MACROD2: variants seen among roughly 807,000 people sequenced by gnomAD.
MACROD2 encodes ADP-ribose glycohydrolase MACROD2.
MACROD2 carries 36 observed loss-of-function variants against 70.4 expected under a neutral mutation model. The ratio of observed to expected loss-of-function variants is 0.51; its 90% CI spans 0.39 to 0.68. The LOEUF (loss-of-function observed/expected upper bound fraction) is 0.68, where lower values mean the gene tolerates loss of function less well. Among genes scored for constraint, MACROD2 ranks in the 30% least tolerant of loss-of-function variants. MACROD2 has a pLI of 0.00. For synonymous variants in MACROD2, 172 were observed against 178.8 expected, an observed-to-expected ratio of 0.96 and a Z score of 0.30; for missense variants, 496 against 538.4, an observed-to-expected ratio of 0.92 and a Z score of 0.78.
chr20:15,434,882 G>T (rs1162360704), intron 7 of MACROD2, among the ~76,000 whole-genome samples: 4 of 152,118 alleles, frequency 2.6e-5, no homozygotes, highest in Non-Finnish European at 4.4e-5. Flanking sequence ...AATGTGGATG[G>T]AGCTGGAGGC....
At chr20:15,980,684 A>G (rs1012805074) in intron 13 of MACROD2, among the ~76,000 whole-genome samples, 2 of 152,142 alleles carry the variant, frequency 1.3e-5, no homozygotes, top group African/African-American at 4.8e-5. Context: ...TCATATTTTT[A>G]ACTATGTCTT....
At chr20:14,940,435 T>G (rs2074380519) in intron 5 of MACROD2, among the ~76,000 whole-genome samples, 1 of 152,204 alleles carries the variant, frequency 6.6e-6, no homozygotes, top group South Asian at 2.1e-4. Context: ...TCTAGTATTA[T>G]TTTGAATAAA....
chr20:15,378,148 TA>T (rs758057970), intron 6 of MACROD2, among the ~76,000 whole-genome samples: 1 of 139,082 alleles, frequency 7.2e-6, no homozygotes, highest in Non-Finnish European at 1.6e-5. Context: ...AAGAAAAAAA[TA>T]AAAGAAGAGA....
intron 6 of MACROD2, among the ~76,000 whole-genome samples, chr20:15,284,665 G>A (rs2077475724): frequency 6.6e-6 from 1 of 152,120 alleles, no homozygotes; most frequent in South Asian, 2.1e-4. Context: ...TCATTTTGCT[G>A]AGAAAATTTT....
At chr20:15,872,816 A>T (rs984549979) in intron 9 of MACROD2, among the ~76,000 whole-genome samples, 2 of 152,180 alleles carry the variant, frequency 1.3e-5, no homozygotes. Context: ...TCTGGAGATG[A>T]ATTACATTTT....
intron 5 of MACROD2, among the ~76,000 whole-genome samples, chr20:15,130,869 C>T (rs1295342917): frequency 2.6e-5 from 4 of 152,026 alleles, no homozygotes; most frequent in African/African-American, 9.7e-5. Flanking sequence ...CTCAGAGGCC[C>T]TGAGGTGAGT....
chr20:14,277,322 C>A (rs193139170), intron 3 of MACROD2, among the ~76,000 whole-genome samples: 1 of 152,272 alleles, frequency 6.6e-6, no homozygotes, highest in Admixed American at 6.5e-5. Flanking sequence ...GTGGCACGCA[C>A]CTGTAGTCCC....
chr20:14,484,413 C>T (rs1023458519), intron 3 of MACROD2, among the ~76,000 whole-genome samples: 2 of 152,098 alleles, frequency 1.3e-5, no homozygotes, highest in Non-Finnish European at 2.9e-5. Flanking sequence ...TCCATCACCT[C>T]AAACATTTAG....
chr20:15,707,055 A>G (rs1056112145), intron 8 of MACROD2, among the ~76,000 whole-genome samples: 2 of 152,180 alleles, frequency 1.3e-5, no homozygotes, highest in African/African-American at 4.8e-5. Context: ...TGGTTCTTCT[A>G]TTGCCCTAAG....
intron 7 of MACROD2, among the ~76,000 whole-genome samples, chr20:15,487,142 A>G (rs1029742182): frequency 1.3e-5 from 2 of 152,188 alleles, no homozygotes; most frequent in Non-Finnish European, 2.9e-5. Flanking sequence ...CAGATGGCCA[A>G]AGTCAACATT....
intron 8 of MACROD2, among the ~76,000 whole-genome samples, chr20:15,572,814 G>A (rs1157631929): frequency 2.0e-5 from 3 of 152,092 alleles, no homozygotes; most frequent in South Asian, 2.1e-4. Context: ...TTATCAAAGT[G>A]ACATGCAAAG....
At chr20:15,937,101 A>C (rs2065675856) in intron 11 of MACROD2, among the ~76,000 whole-genome samples, 1 of 152,230 alleles carries the variant, frequency 6.6e-6, no homozygotes, top group Non-Finnish European at 1.5e-5. Flanking sequence ...AAACATGCAC[A>C]TAAAAGCACT....
chr20:15,993,767 T>C (rs1235965898), intron 15 of MACROD2, among the ~76,000 whole-genome samples: 2 of 152,152 alleles, frequency 1.3e-5, no homozygotes, highest in Non-Finnish European at 2.9e-5. Flanking sequence ...TACAGGACAA[T>C]ACAACATATC....
chr20:14,493,377 T>A, intron 3 of MACROD2, 102 bp from the exon 4 acceptor site: 1 of 923,850 alleles, frequency 1.1e-6, no homozygotes, highest in Non-Finnish European at 1.7e-6. Context: ...TGTATGTATA[T>A]GAGACATATG....
intron 8 of MACROD2, among the ~76,000 whole-genome samples, chr20:15,846,912 TA>T (rs2064238184): frequency 1.5e-3 from 2 of 1,330 alleles, no homozygotes; most frequent in African/African-American, 5.6e-3. Context: ...AAAAAAAAAT[TA>T]TATATATATA....
At chr20:14,522,656 C>T (rs1205148067) in intron 4 of MACROD2, among the ~76,000 whole-genome samples, 1 of 152,156 alleles carries the variant, frequency 6.6e-6, no homozygotes, top group Non-Finnish European at 1.5e-5. Context: ...GGTTCTTGTC[C>T]CTGCACGTTT....
At chr20:14,574,980 C>T (rs1035658423) in intron 4 of MACROD2, among the ~76,000 whole-genome samples, 4 of 136,350 alleles carry the variant, frequency 2.9e-5, no homozygotes, top group African/African-American at 8.3e-5. Flanking sequence ...CACTGCAGTC[C>T]GCAGTCCGGC....
intron 3 of MACROD2, among the ~76,000 whole-genome samples, chr20:14,253,679 T>A (rs2122282056): frequency 6.6e-6 from 1 of 152,252 alleles, no homozygotes; most frequent in South Asian, 2.1e-4. Flanking sequence ...ATTAGAATGT[T>A]TATCATCAAG....
chr20:15,656,025 A>G (rs1221144025), intron 8 of MACROD2, among the ~76,000 whole-genome samples: 3 of 151,196 alleles, frequency 2.0e-5, no homozygotes, highest in Non-Finnish European at 4.4e-5. Context: ...CACCATCTCC[A>G]TTTCTCCAGT....
Sources: gnomAD v4.1 joint callset for allele counts (sites outside exome capture counted in the v4.1 genomes callset) on GRCh38, gnomAD v4.1.1 for gene constraint, MANE v1.5 for transcripts, NCBI Gene and HGNC (gene_info 2026-07-23, HGNC 2026-07-21) for gene names.